Variants in RICTOR observed in about 807,000 individuals in gnomAD.
The protein encoded by RICTOR is RPTOR independent companion of MTOR complex 2.
RICTOR carries 49 observed loss-of-function variants against 214.9 expected under a neutral mutation model. That is an observed-to-expected ratio of 0.23 (90% CI 0.18 to 0.29). The LOEUF is 0.29. Among genes scored for constraint, RICTOR ranks in the 10% least tolerant of loss-of-function variants. RICTOR has a pLI of 1.00. For synonymous variants in RICTOR, 717 were observed against 711.3 expected (o/e 1.01, Z -0.13); for missense variants, 1,625 against 2,047.0 (o/e 0.79, Z 3.98).
In RICTOR at chr5:38,966,858, C is replaced by A. The variant is rs114040773; in HGVS notation, c.1219-137G>T. 1,311 of 589,566 alleles carry A rather than the reference C, an allele frequency of 2.2e-3. 16 individuals carry two copies. Among genetic ancestry groups the A allele is most frequent in the African/African-American group, 0.018 (958 of 51,988 alleles). 36.5% of individuals were successfully genotyped at this position (589,566 alleles called of 1,614,324 possible). ...CTCTGTTGCCCAGGCTGGAATGCAA[C>A]GGCAAGATCTCAGCTCAGTATAACC... On this transcript the variant is annotated intron_variant, in intron 14 of 37. Coordinates refer to ENST00000357387, the MANE Select transcript of RICTOR (RefSeq NM_152756.5).
At chr5:38,990,585 CAT>C (rs1491123865) in intron 7 of RICTOR, among the ~76,000 whole-genome samples, 3 of 139,488 alleles carry the variant, frequency 2.2e-5, no homozygotes, top group Non-Finnish European at 3.0e-5. Flanking sequence ...ATGATATATA[CAT>C]GATATATACG....
chr5:39,038,872 G>A (rs1202014122), intron 2 of RICTOR, among the ~76,000 whole-genome samples: 2 of 151,972 alleles, frequency 1.3e-5, no homozygotes, highest in Admixed American at 6.6e-5. Flanking sequence ...AATCAATATC[G>A]TGAAAATGGC....
At chr5:39,042,799 C>A (rs1225804535) in intron 2 of RICTOR, among the ~76,000 whole-genome samples, 1 of 152,158 alleles carries the variant, frequency 6.6e-6, no homozygotes, top group Non-Finnish European at 1.5e-5. Flanking sequence ...GTAATAAATA[C>A]ACAGAAACTT....
intron 2 of RICTOR, among the ~76,000 whole-genome samples, chr5:39,052,093 G>C (rs1275262385): frequency 6.6e-6 from 1 of 152,138 alleles, no homozygotes; most frequent in Non-Finnish European, 1.5e-5. Flanking sequence ...GGGTAAATAG[G>C]CCAGGCGTGG....
chr5:38,980,071 A>G (rs1398488807), intron 8 of RICTOR, among the ~76,000 whole-genome samples: 1 of 152,078 alleles, frequency 6.6e-6, no homozygotes, highest in African/African-American at 2.4e-5. Context: ...CAGATATCGT[A>G]TTTTCAGTAC....
In RICTOR at chr5:38,940,920, A is replaced by G. The variant is rs779875867; in HGVS notation, c.*1384T>C. The G allele has an allele frequency of 2.6e-5, 6 of 232,436 alleles. No individual in the cohort carries two copies. Among genetic ancestry groups the G allele is most frequent in the Non-Finnish European group, 4.3e-5 (5 of 117,578 alleles). The allele number at this position is 232,436 out of a possible 1,614,324, so 14.4% of individuals were successfully genotyped here. On this transcript the variant is annotated 3_prime_UTR_variant, in exon 38 of 38. Transcript: ENST00000357387. ...GTGTCAAAACTGATGTGTAATTGTA[A>G]TAAAAATGTTATACACAAATGAATT...
intron 8 of RICTOR, 51 bp from the exon 9 acceptor site, chr5:38,978,701 T>G (rs759038542): frequency 4.6e-6 from 4 of 861,414 alleles, no homozygotes; most frequent in South Asian, 4.6e-5. Flanking sequence ...AAATGCATCC[T>G]TCCTGCATTT....
chr5:39,073,883 G>C (rs1476362179), intron 2 of RICTOR, among the ~76,000 whole-genome samples: 1 of 152,098 alleles, frequency 6.6e-6, no homozygotes, highest in Non-Finnish European at 1.5e-5. Context: ...GCAGCAGCCC[G>C]AGGCCCGGAG....
At chr5:38,985,386 G>A (rs923492201) in intron 7 of RICTOR, among the ~76,000 whole-genome samples, 7 of 152,070 alleles carry the variant, frequency 4.6e-5, no homozygotes, top group East Asian at 3.9e-4. Flanking sequence ...TTAGAACTGC[G>A]GATGGTTCAA....
In RICTOR at chr5:39,028,175, CT is replaced by C. The variant is rs70982535; in HGVS notation, c.98-7040del. Among the ~76,000 whole-genome samples, 363 of 78,396 alleles carry C rather than the reference CT, an allele frequency of 4.6e-3. 2 individuals are homozygous for C. Among genetic ancestry groups the C allele is most frequent in the African/African-American group, 0.016 (313 of 19,356 alleles). The allele number at this position is 78,396 out of a possible 152,430, so 51.4% of individuals were successfully genotyped here. A position where few individuals can be genotyped will look rare whatever the true frequency, so the allele number is the denominator to read the frequency against. On this transcript the variant is annotated intron_variant, in intron 2 of 37. Transcript: ENST00000357387. ...GAGAGGCCATGGAGCAACTGGAATT[CT>C]TTTTTTTTTTTTTTTTTTTTTTTTG...
Position 39,012,208 on chromosome 5 carries a change from T to A in RICTOR, c.196-8586A>T, listed in dbSNP as rs973368853. On this transcript the variant is annotated intron_variant, in intron 3 of 37. Coordinates refer to ENST00000357387, the MANE Select transcript of RICTOR (RefSeq NM_152756.5). ...ACTATCACCGCTTTTATAAGGGACT[T>A]CCTTCCCCCTTAAAAAGTCCTCTGA... 7.9e-5 allele frequency among the ~76,000 whole-genome samples: 12 copies of A among 152,272 alleles called. No individual in the cohort carries two copies. In the East Asian group the frequency reaches 2.3e-3, roughly 29 times the overall value.
chr5:39,043,302 G>A (rs1186691491), intron 2 of RICTOR, among the ~76,000 whole-genome samples: 1 of 151,932 alleles, frequency 6.6e-6, no homozygotes. Flanking sequence ...ATATTACTCA[G>A]CCATTAAAAA....
In RICTOR at chr5:38,940,814, G is replaced by A. The variant is rs2112763884; in HGVS notation, c.*1490C>T. 4.3e-6 allele frequency: 1 copy of A among 231,862 alleles called. No individual in the cohort carries two copies. Among genetic ancestry groups the A allele is most frequent in the East Asian group, 6.1e-5 (1 of 16,300 alleles). 14.4% of individuals were successfully genotyped at this position (231,862 alleles called of 1,614,324 possible). ...GTGAGTTATGTTTTCTAGTTCACAG[G>A]GTTCTTTACAGAGATCTCAAAGAAC... On this transcript the variant is annotated 3_prime_UTR_variant, in exon 38 of 38. Coordinates refer to ENST00000357387, the MANE Select transcript of RICTOR (RefSeq NM_152756.5).
intron 8 of RICTOR, among the ~76,000 whole-genome samples, chr5:38,979,104 T>G (rs539954455): frequency 6.6e-6 from 1 of 152,226 alleles, no homozygotes; most frequent in East Asian, 1.9e-4. Context: ...AAGTTATTTT[T>G]GTGTGGTGTT....
At chr5:38,973,102 C>T (rs1334598821) in intron 10 of RICTOR, among the ~76,000 whole-genome samples, 3 of 151,842 alleles carry the variant, frequency 2.0e-5, no homozygotes, top group Admixed American at 6.6e-5. Context: ...CTTAGGAGTA[C>T]GGAGTCAAAA....
At chr5:39,036,328 A>G (rs1756688957) in intron 2 of RICTOR, among the ~76,000 whole-genome samples, 1 of 152,178 alleles carries the variant, frequency 6.6e-6, no homozygotes, top group South Asian at 2.1e-4. Context: ...ACTAAACATG[A>G]AAAGGAACAA....
chr5:39,035,070 T>C (rs184599829), intron 2 of RICTOR, among the ~76,000 whole-genome samples: 6,840 of 152,148 alleles, frequency 0.045, 283 homozygotes, highest in African/African-American at 0.1. Flanking sequence ...GGAGGCACCC[T>C]CCAGCAGGGG....
chr5:39,033,364 A>T (rs1756411598), intron 2 of RICTOR, among the ~76,000 whole-genome samples: 1 of 151,994 alleles, frequency 6.6e-6, no homozygotes, highest in African/African-American at 2.4e-5. Flanking sequence ...CCTGGGTTCA[A>T]GCAATTCTCC....
intron 27 of RICTOR, 76 bp from the exon 28 acceptor site, chr5:38,953,629 C>A (rs971553679): frequency 6.5e-6 from 3 of 463,410 alleles, no homozygotes; most frequent in Non-Finnish European, 1.1e-5. Flanking sequence ...ATCATAAAAC[C>A]AGTATAACGT....
Sources: allele counts gnomAD v4.1 joint callset (sites outside exome capture counted in the v4.1 genomes callset), GRCh38; gene constraint gnomAD v4.1.1; transcripts MANE v1.5; gene names NCBI Gene and HGNC (gene_info 2026-07-23, HGNC 2026-07-21).